PPARD: variants seen among roughly 807,000 people sequenced by gnomAD.
PPARD encodes peroxisome proliferator activated receptor delta, also known as peroxisome proliferator-activated receptor delta.
PPARD carries 6 observed loss-of-function variants against 39.5 expected under a neutral mutation model. The observed-to-expected ratio is 0.15, with a 90% CI of 0.08 to 0.30. The LOEUF is 0.30. PPARD is among the 10% of genes least tolerant of loss of function. The probability of loss-of-function intolerance (pLI) is 1.00; values close to 1 mark genes in which losing one functional copy is unlikely to be tolerated. For synonymous variants in PPARD, 210 were observed against 231.3 expected, an observed-to-expected ratio of 0.91 and a Z score of 0.83; for missense variants, 397 against 596.8, an observed-to-expected ratio of 0.67 and a Z score of 3.49.
intron 1 of PPARD, among the ~76,000 whole-genome samples, chr6:35,346,056 GT>G (rs1792165130): frequency 6.6e-6 from 1 of 151,464 alleles, no homozygotes; most frequent in Non-Finnish European, 1.5e-5. Flanking sequence ...TTTTTTTGTA[GT>G]TTTAGTAGAG....
At chr6:35,409,353 G>A (rs1765272297) in intron 2 of PPARD, among the ~76,000 whole-genome samples, 1 of 151,786 alleles carries the variant, frequency 6.6e-6, no homozygotes, top group African/African-American at 2.4e-5. Flanking sequence ...AAAAAATACA[G>A]AAATTAGCTG....
At chr6:35,383,831 G>A (rs1460064650) in intron 2 of PPARD, among the ~76,000 whole-genome samples, 4 of 146,378 alleles carry the variant, frequency 2.7e-5, no homozygotes, top group Non-Finnish European at 5.9e-5. Flanking sequence ...CCCTCCACCC[G>A]GCAGCTGCCC....
At position 35,405,583 on chromosome 6, in the gene PPARD, G is replaced by C. The variant is rs537068818; in HGVS notation, c.-101-5404G>C. Among the ~76,000 whole-genome samples the C allele has an allele frequency of 1.9e-4, 29 of 151,962 alleles. No homozygotes were observed. In the East Asian group the frequency reaches 5.6e-3, roughly 29 times the overall value. On this transcript the variant is annotated intron_variant, in intron 2 of 7. Coordinates refer to ENST00000360694, the MANE Select transcript of PPARD (RefSeq NM_006238.5). ...GCCAGACCAAAAAAAAAAAAAGCCA[G>C]GGTTTTTTGCCGGCATACAAATTAA...
At chr6:35,371,589 C>A (rs1259409708) in intron 2 of PPARD, among the ~76,000 whole-genome samples, 2 of 152,136 alleles carry the variant, frequency 1.3e-5, no homozygotes, top group Non-Finnish European at 2.9e-5. Context: ...CAGCTTTAAA[C>A]CTCATTCCTC....
In PPARD at chr6:35,425,986, C is replaced by T. The variant is rs9658166; in HGVS notation, c.1233C>T (p.Thr411=). 2.1e-4 allele frequency: 342 copies of T among 1,614,170 alleles called. 4 individuals are homozygous for T. The East Asian group carries it at 6.3e-3, about 30-fold the overall frequency. Residue 411 remains threonine (T), a synonymous_variant, in exon 8 of 8, where the codon ACC becomes ACT. Transcript: ENST00000360694. The surrounding 1 kb of genome is among the most constrained non-coding windows in gnomAD (Gnocchi z 4.5). ...QKMADLRQLV[T]EHAQMMQRIK... ...TGGCTGACCTGCGGCAACTGGTCAC[C>T]GAGCACGCCCAGATGATGCAGCGGA...
At chr6:35,383,002 T>C (rs970540787) in intron 2 of PPARD, among the ~76,000 whole-genome samples, 3 of 152,188 alleles carry the variant, frequency 2.0e-5, no homozygotes, top group African/African-American at 7.2e-5. Flanking sequence ...GTGGAAAGCC[T>C]TGGATGCCAC....
intron 2 of PPARD, among the ~76,000 whole-genome samples, chr6:35,353,537 A>C (rs946615840): frequency 1.2e-4 from 18 of 152,264 alleles, no homozygotes; most frequent in African/African-American, 4.1e-4. Flanking sequence ...TAAAAAGTTA[A>C]GCATAAATTA....
At chr6:35,388,676 C>A (rs976461946) in intron 2 of PPARD, among the ~76,000 whole-genome samples, 11 of 152,144 alleles carry the variant, frequency 7.2e-5, no homozygotes, top group African/African-American at 2.6e-4. Flanking sequence ...CGCGCCACTG[C>A]ACTCCAGCCT....
rs1765466347 is a variant in PPARD at position 35,412,063 on chromosome 6, G to A, written c.130+846G>A. On this transcript the variant is annotated intron_variant, in intron 3 of 7. Transcript: ENST00000360694. This position sits in a 1 kb window ranked among gnomAD's most constrained non-coding sequence, Gnocchi z 4.1. ...CCTGCCTCAGCCTCCCGAGTAGCTG[G>A]GATTATAGGCGTGCACCACCACGCC... Among the ~76,000 whole-genome samples the A allele has an allele frequency of 2.6e-5, 4 of 152,126 alleles. No homozygotes were observed.
At chr6:35,390,623 A>G (rs1211175404) in intron 2 of PPARD, among the ~76,000 whole-genome samples, 1 of 152,188 alleles carries the variant, frequency 6.6e-6, no homozygotes, top group Admixed American at 6.5e-5. Flanking sequence ...AGTGGTCATA[A>G]TAATAAATGG....
At chr6:35,410,589 G>T (rs1765360810) in intron 2 of PPARD, among the ~76,000 whole-genome samples, 1 of 152,226 alleles carries the variant, frequency 6.6e-6, no homozygotes, top group African/African-American at 2.4e-5. Context: ...TAGGGACAGG[G>T]TCGGGGATGG....
chr6:35,343,620 G>C (rs1257302385), intron 1 of PPARD, among the ~76,000 whole-genome samples: 1 of 152,212 alleles, frequency 6.6e-6, no homozygotes, highest in Non-Finnish European at 1.5e-5. Flanking sequence ...ATGTACGTGG[G>C]TGTTGCATCA....
rs375114675 is a variant in PPARD at position 35,366,555 on chromosome 6, CT to C, written c.-102+19419del. ...AATTCCTGGCCTGTAGTACTAAATA[CT>C]TTTTTTTTTTTTTAAGACAATCTCA... is the stretch of plus-strand genomic sequence containing the variant. On this transcript the variant is annotated intron_variant, in intron 2 of 7. Coordinates refer to ENST00000360694, the MANE Select transcript of PPARD (RefSeq NM_006238.5). The surrounding 1 kb of genome is among the most constrained non-coding windows in gnomAD (Gnocchi z 4.6). Among the ~76,000 whole-genome samples, 389 of 143,278 alleles carry C rather than the reference CT, an allele frequency of 2.7e-3. No homozygotes were observed. The highest frequency in any genetic ancestry group is 3.0e-3 in the Admixed American group (44 of 14,476). The allele number at this position is 143,278 out of a possible 152,430, so 94.0% of individuals were successfully genotyped here.
intron 5 of PPARD, among the ~76,000 whole-genome samples, chr6:35,423,080 A>AAAAG: frequency 6.7e-6 from 1 of 148,334 alleles, no homozygotes. Flanking sequence ...AAAAAAAAAA[A>AAAAG]TTTAGCCAGG....
chr6:35,419,972 C>T (rs1046784408), intron 3 of PPARD, among the ~76,000 whole-genome samples, 155 bp from the exon 4 acceptor site: 2 of 152,194 alleles, frequency 1.3e-5, no homozygotes, highest in African/African-American at 4.8e-5. Flanking sequence ...GTCAGTACCC[C>T]CTGTTCTAGG....
chr6:35,374,657 C>CAA (rs372824499), intron 2 of PPARD, among the ~76,000 whole-genome samples: 3,273 of 80,472 alleles, frequency 0.041, 51 homozygotes, highest in Middle Eastern at 0.12. Flanking sequence ...GACTCTGTCT[C>CAA]AAAAAAAAAA....
At chr6:35,355,399 A>G (rs1007874917) in intron 2 of PPARD, among the ~76,000 whole-genome samples, 4 of 151,658 alleles carry the variant, frequency 2.6e-5, no homozygotes, top group African/African-American at 9.7e-5. Flanking sequence ...AAAAAATACA[A>G]AAATTATCCA....
chr6:35,421,726 A>T, intron 4 of PPARD, 94 bp from the exon 5 acceptor site: 1 of 1,324,682 alleles, frequency 7.5e-7, no homozygotes, highest in Admixed American at 2.6e-5. Flanking sequence ...TCCAAATGTC[A>T]GGAGTGTTTA....
At position 35,412,576 on chromosome 6, in the gene PPARD, A is replaced by C. The variant is rs1765500515; in HGVS notation, c.130+1359A>C. Among the ~76,000 whole-genome samples the C allele has an allele frequency of 6.6e-6, 1 of 152,178 alleles. No homozygotes were observed. The highest frequency in any genetic ancestry group is 1.5e-5 in the Non-Finnish European group (1 of 68,034). ...TGGGTCTGCAGCTAAGATGGGTCTG[A>C]ATCCTGGAGCCACACCACCTTGAAC... On this transcript the variant is annotated intron_variant, in intron 3 of 7. Coordinates refer to ENST00000360694, the MANE Select transcript of PPARD (RefSeq NM_006238.5). This position sits in a 1 kb window ranked among gnomAD's most constrained non-coding sequence, Gnocchi z 4.1.
Sources: allele counts gnomAD v4.1 joint callset (sites outside exome capture counted in the v4.1 genomes callset), GRCh38; gene constraint gnomAD v4.1.1; non-coding constraint Gnocchi (gnomAD v3.1); transcripts MANE v1.5; gene names NCBI Gene and HGNC (gene_info 2026-07-23, HGNC 2026-07-21).